Variants in PAK2 observed in about 807,000 individuals in gnomAD.
PAK2 encodes the protein p21 (RAC1) activated kinase 2.
A neutral mutation model predicts 65.9 loss-of-function variants in PAK2; 21 were observed. That is an observed-to-expected ratio of 0.32 (90% CI 0.23 to 0.46). The LOEUF (loss-of-function observed/expected upper bound fraction) is 0.46, where lower values mean the gene tolerates loss of function less well. Among genes scored for constraint, PAK2 ranks in the 20% least tolerant of loss-of-function variants. PAK2 has a pLI of 1.00. For missense variants in PAK2, 324 were observed against 642.6 expected (o/e 0.50, Z 5.36); for synonymous variants, 204 against 219.7 (o/e 0.93, Z 0.63).
At chr3:196,817,156 ATTTTTTTTTT>A (rs11314877) in intron 11 of PAK2, among the ~76,000 whole-genome samples, 2 of 84,766 alleles carry the variant, frequency 2.4e-5, no homozygotes, top group Non-Finnish European at 4.4e-5. Context: ...GAAAGAGGCA[ATTTTTTTTTT>A]TTTTTTTTTT....
chr3:196,753,921 T>C (rs1713690067), intron 1 of PAK2, among the ~76,000 whole-genome samples: 1 of 152,230 alleles, frequency 6.6e-6, no homozygotes, highest in Non-Finnish European at 1.5e-5. Context: ...TGGTGATTAC[T>C]TTTGTTTCAA....
Position 196,762,261 on chromosome 3 carries a change from C to T in PAK2, c.-21-20365C>T, listed in dbSNP as rs566473076. 7.0e-3 allele frequency among the ~76,000 whole-genome samples: 798 copies of T among 113,192 alleles called. 7 individuals are homozygous for T. The highest frequency in any genetic ancestry group is 0.024 in the African/African-American group (754 of 31,530). 74.3% of individuals were successfully genotyped at this position (113,192 alleles called of 152,430 possible). A position where few individuals can be genotyped will look rare whatever the true frequency, so the allele number is the denominator to read the frequency against. On this transcript the variant is annotated intron_variant, in intron 1 of 14. Coordinates refer to ENST00000327134, the MANE Select transcript of PAK2 (RefSeq NM_002577.4). ...CCTCACATCCCAGACGATGGGCGGC[C>T]AGGCAGAGACACTCCTCACTTCCCA...
intron 1 of PAK2, among the ~76,000 whole-genome samples, chr3:196,772,355 T>C (rs958975043): frequency 6.6e-6 from 1 of 152,232 alleles, no homozygotes; most frequent in Non-Finnish European, 1.5e-5. Flanking sequence ...ATAAGTAGAT[T>C]AGTAAATTGC....
At chr3:196,752,074 C>T (rs1488013258) in intron 1 of PAK2, among the ~76,000 whole-genome samples, 2 of 152,128 alleles carry the variant, frequency 1.3e-5, no homozygotes, top group East Asian at 1.9e-4. Flanking sequence ...ATTTGGGTCT[C>T]ATCCCCAACA....
intron 1 of PAK2, among the ~76,000 whole-genome samples, chr3:196,778,860 G>A (rs1365086656): frequency 6.6e-6 from 1 of 152,208 alleles, no homozygotes; most frequent in Non-Finnish European, 1.5e-5. Context: ...TGTTTTTCTC[G>A]TGATTAGGCT....
chr3:196,777,630 C>T (rs990677127), intron 1 of PAK2, among the ~76,000 whole-genome samples: 14 of 152,128 alleles, frequency 9.2e-5, no homozygotes, highest in African/African-American at 4.8e-5. Flanking sequence ...GTTTTGAGAA[C>T]GGCTACTTTG....
intron 2 of PAK2, among the ~76,000 whole-genome samples, chr3:196,795,774 A>C (rs1240948977): frequency 2.0e-5 from 3 of 152,350 alleles, no homozygotes; most frequent in Middle Eastern, 3.4e-3. Flanking sequence ...AAAAATGTTA[A>C]ACTAAGCCCT....
At chr3:196,752,483 T>C (rs1477232479) in intron 1 of PAK2, among the ~76,000 whole-genome samples, 1 of 152,238 alleles carries the variant, frequency 6.6e-6, no homozygotes, top group Non-Finnish European at 1.5e-5. Context: ...CTTTCTCACT[T>C]TATCCTCCTT....
chr3:196,758,203 G>A (rs1403101), intron 1 of PAK2, among the ~76,000 whole-genome samples: 70,935 of 152,108 alleles, frequency 0.47, 17,004 homozygotes, highest in Non-Finnish European at 0.53. Context: ...GAGTTTATAC[G>A]TAGTTAGAGA....
In PAK2 at chr3:196,811,199, CT is replaced by C. The variant is rs1715777791; in HGVS notation, c.773+547del. ...TGAAAACTTCCATATGAATTCCTTC[CT>C]CCCTTCCTTCCCTTCCCTCCCTCCC... On this transcript the variant is annotated intron_variant, in intron 8 of 14. Transcript: ENST00000327134. 4.2e-5 allele frequency among the ~76,000 whole-genome samples: 2 copies of C among 47,880 alleles called. 1 individual carries two copies. The highest frequency in any genetic ancestry group is 5.3e-4 in the Admixed American group (2 of 3,796). The allele number at this position is 47,880 out of a possible 152,430, so 31.4% of individuals were successfully genotyped here.
intron 1 of PAK2, among the ~76,000 whole-genome samples, chr3:196,769,357 G>A (rs561120455): frequency 4.6e-5 from 7 of 152,048 alleles, no homozygotes; most frequent in South Asian, 4.2e-4. Context: ...TAAGGGCTTC[G>A]TATCCTAGTT....
At chr3:196,767,481 T>G (rs1337028708) in intron 1 of PAK2, among the ~76,000 whole-genome samples, 1 of 151,594 alleles carries the variant, frequency 6.6e-6, no homozygotes, top group East Asian at 1.9e-4. Flanking sequence ...GAAATACATG[T>G]TTTTTGTTTG....
At chr3:196,810,840 G>A (rs1031280993) in intron 8 of PAK2, among the ~76,000 whole-genome samples, 187 bp downstream of exon 8, 1 of 152,020 alleles carries the variant, frequency 6.6e-6, no homozygotes, top group African/African-American at 2.4e-5. Context: ...TGTACTAGTT[G>A]TTAGCAATGA....
chr3:196,800,441 A>T (rs1379844402), intron 2 of PAK2, among the ~76,000 whole-genome samples: 1 of 152,212 alleles, frequency 6.6e-6, no homozygotes, highest in Non-Finnish European at 1.5e-5. Flanking sequence ...ATGTACATTC[A>T]TTCCAATTCT....
intron 2 of PAK2, among the ~76,000 whole-genome samples, chr3:196,798,301 T>C (rs552656973): frequency 2.0e-5 from 3 of 152,090 alleles, no homozygotes; most frequent in Admixed American, 2.0e-4. Context: ...TTTACAGATA[T>C]TAAAAAGATG....
chr3:196,780,165 T>G (rs1236090634), intron 1 of PAK2, among the ~76,000 whole-genome samples: 16 of 152,244 alleles, frequency 1.1e-4, no homozygotes, highest in Non-Finnish European at 1.5e-5. Context: ...CTGCCTTAGA[T>G]CCTGCCCTCA....
intron 2 of PAK2, among the ~76,000 whole-genome samples, chr3:196,784,336 A>G (rs868840891): frequency 8.5e-4 from 87 of 102,202 alleles, no homozygotes; most frequent in African/African-American, 3.1e-3. Flanking sequence ...CTAACTCGTC[A>G]TCTAGCATTA....
chr3:196,745,567 A>G (rs1267064824), intron 1 of PAK2, among the ~76,000 whole-genome samples: 1 of 152,192 alleles, frequency 6.6e-6, no homozygotes, highest in African/African-American at 2.4e-5. Flanking sequence ...TAATCCCAGC[A>G]CTTTGGGAGG....
intron 8 of PAK2, among the ~76,000 whole-genome samples, chr3:196,810,955 A>G (rs1715763362): frequency 1.3e-5 from 2 of 152,064 alleles, no homozygotes; most frequent in Non-Finnish European, 1.5e-5. Context: ...TATTTACTGC[A>G]TGACTATAAG....
Sources: gnomAD v4.1 joint callset for allele counts (sites outside exome capture counted in the v4.1 genomes callset) on GRCh38, gnomAD v4.1.1 for gene constraint, MANE v1.5 for transcripts, NCBI Gene and HGNC (gene_info 2026-07-23, HGNC 2026-07-21) for gene names.